The following NDST3 variants were observed in gnomAD, a reference collection of about 807,000 sequenced individuals.
NDST3 encodes bifunctional heparan sulfate N-deacetylase/N-sulfotransferase 3.
In NDST3, 58 loss-of-function variants were observed where a neutral mutation model predicts 96.1. That is an observed-to-expected ratio of 0.60 (90% CI 0.49 to 0.75). NDST3 has a LOEUF of 0.75. Among genes scored for constraint, NDST3 ranks in the 30% least tolerant of loss-of-function variants. NDST3 has a pLI of 0.00. For synonymous variants in NDST3, 333 were observed against 359.7 expected (o/e 0.93, Z 0.84); for missense variants, 788 against 1,034.2 (o/e 0.76, Z 3.27).
At chr4:118,161,895 G>C (rs1057274412) in intron 6 of NDST3, among the ~76,000 whole-genome samples, 1 of 152,138 alleles carries the variant, frequency 6.6e-6, no homozygotes, top group African/African-American at 2.4e-5. Context: ...TGCGCCCACT[G>C]TCTGGCACTC....
chr4:118,112,858 G>C (rs762491509), intron 3 of NDST3, among the ~76,000 whole-genome samples: 6 of 152,042 alleles, frequency 3.9e-5, no homozygotes, highest in African/African-American at 1.4e-4. Flanking sequence ...ACTCAGAAGC[G>C]CCAAGAATGC....
intron 6 of NDST3, among the ~76,000 whole-genome samples, chr4:118,148,126 G>A (rs1734089552): frequency 6.6e-6 from 1 of 152,114 alleles, no homozygotes; most frequent in African/African-American, 2.4e-5. Flanking sequence ...GTGAAACCCT[G>A]TCTCTACTAA....
At chr4:118,158,183 G>A (rs950189810) in intron 6 of NDST3, among the ~76,000 whole-genome samples, 12 of 152,122 alleles carry the variant, frequency 7.9e-5, no homozygotes, top group African/African-American at 2.9e-4. Flanking sequence ...ATGACACTTA[G>A]TAGCAAAGAG....
At chr4:118,223,737 A>G (rs1245810988) in intron 6 of NDST3, among the ~76,000 whole-genome samples, 1 of 152,098 alleles carries the variant, frequency 6.6e-6, no homozygotes, top group African/African-American at 2.4e-5. Flanking sequence ...ATTATAGTAA[A>G]CCATTGTTAC....
intron 2 of NDST3, among the ~76,000 whole-genome samples, chr4:118,098,586 G>GTT (rs2125841889): frequency 1.3e-5 from 2 of 152,098 alleles, no homozygotes; most frequent in South Asian, 4.1e-4. Context: ...TAATTTAGAG[G>GTT]TTATATATAA....
At chr4:118,228,708 TA>T (rs1226416665) in intron 8 of NDST3, among the ~76,000 whole-genome samples, 1 of 152,112 alleles carries the variant, frequency 6.6e-6, no homozygotes, top group African/African-American at 2.4e-5. Flanking sequence ...GTTGTTAGCC[TA>T]AAAAAATTTC....
chr4:118,086,921 T>C (rs1578610661), intron 2 of NDST3, among the ~76,000 whole-genome samples: 1 of 152,164 alleles, frequency 6.6e-6, no homozygotes, highest in South Asian at 2.1e-4. Flanking sequence ...AAAATATTCA[T>C]GCAGAAAGTT....
chr4:118,048,464 T>C (rs1004774483), intron 1 of NDST3, among the ~76,000 whole-genome samples: 1 of 152,174 alleles, frequency 6.6e-6, no homozygotes, highest in African/African-American at 2.4e-5. Context: ...CCCAACCATT[T>C]GCTGTCTTCA....
intron 2 of NDST3, among the ~76,000 whole-genome samples, chr4:118,077,156 C>T (rs537971388): frequency 5.9e-5 from 9 of 152,240 alleles, no homozygotes; most frequent in South Asian, 4.2e-4. Context: ...GAACCTGCTG[C>T]GCAGGAAGGG....
At chr4:118,073,250 AAGG>A (rs1560623811) in intron 2 of NDST3, among the ~76,000 whole-genome samples, 1 of 152,118 alleles carries the variant, frequency 6.6e-6, no homozygotes, top group Non-Finnish European at 1.5e-5. Flanking sequence ...AAGATAAGTT[AAGG>A]AGGAGTCCCT....
At chr4:118,076,050 C>A (rs1727500528) in intron 2 of NDST3, among the ~76,000 whole-genome samples, 1 of 152,062 alleles carries the variant, frequency 6.6e-6, no homozygotes, top group South Asian at 2.1e-4. Context: ...TTCTCTTTTG[C>A]TTATGATGCT....
chr4:118,036,704 C>A (rs569529565), intron 1 of NDST3, among the ~76,000 whole-genome samples: 23 of 152,184 alleles, frequency 1.5e-4, no homozygotes, highest in African/African-American at 5.5e-4. Context: ...CTCTTAGATA[C>A]CTGGATATCA....
intron 1 of NDST3, among the ~76,000 whole-genome samples, chr4:118,037,835 A>G (rs1578518969): frequency 6.6e-6 from 1 of 152,298 alleles, no homozygotes; most frequent in East Asian, 1.9e-4. Flanking sequence ...CAGAAGAATA[A>G]TTTACCTGAC....
intron 2 of NDST3, 60 bp downstream of exon 2, chr4:118,054,951 A>C: frequency 6.3e-7 from 1 of 1,593,410 alleles, no homozygotes; most frequent in Non-Finnish European, 8.5e-7. Context: ...GGATACAACT[A>C]TCCCAGTTTG....
chr4:118,215,948 C>T (rs987786235), intron 6 of NDST3, among the ~76,000 whole-genome samples: 2 of 152,006 alleles, frequency 1.3e-5, no homozygotes, highest in African/African-American at 4.8e-5. Context: ...CTGAAGGGAA[C>T]AGAAGAGCAA....
chr4:118,141,848 A>T (rs898727637), intron 5 of NDST3, among the ~76,000 whole-genome samples: 1 of 152,156 alleles, frequency 6.6e-6, no homozygotes, highest in African/African-American at 2.4e-5. Context: ...TGGAACTAGG[A>T]TATGGATCTA....
At chr4:118,176,257 TA>T (rs1320998989) in intron 6 of NDST3, among the ~76,000 whole-genome samples, 4 of 151,366 alleles carry the variant, frequency 2.6e-5, no homozygotes, top group East Asian at 3.9e-4. Context: ...ACTTAAAATT[TA>T]AAAAAAAACC....
chr4:118,126,519 TATATATATATATATACAC>T (rs199597208), intron 4 of NDST3, among the ~76,000 whole-genome samples: 404 of 28,704 alleles, frequency 0.014, 1 homozygote, highest in Non-Finnish European at 0.022. Flanking sequence ...TATGTGTATA[TATATATATATATATACAC>T]ATATATATAT....
chr4:118,117,747 G>T (rs1264385249), intron 4 of NDST3, among the ~76,000 whole-genome samples: 3 of 152,156 alleles, frequency 2.0e-5, no homozygotes, highest in Non-Finnish European at 4.4e-5. Context: ...TCTTAATGCT[G>T]CATAAATTGC....
Sources: allele counts gnomAD v4.1 joint callset (sites outside exome capture counted in the v4.1 genomes callset), GRCh38; gene constraint gnomAD v4.1.1; transcripts MANE v1.5; gene names NCBI Gene and HGNC (gene_info 2026-07-23, HGNC 2026-07-21).